Variants in IMPDH1 observed in about 807,000 individuals in gnomAD.
IMPDH1 encodes inosine monophosphate dehydrogenase 1.
In IMPDH1, 41 loss-of-function variants were observed where a neutral mutation model predicts 73.5. The observed-to-expected ratio is 0.56, with a 90% CI of 0.43 to 0.72. The LOEUF (loss-of-function observed/expected upper bound fraction) is 0.72, where lower values mean the gene tolerates loss of function less well. Ranked by LOEUF, IMPDH1 falls within the 30% of genes least tolerant of loss-of-function variation. The probability of loss-of-function intolerance (pLI) is 0.00; values close to 1 mark genes in which losing one functional copy is unlikely to be tolerated. For missense variants in IMPDH1, 645 were observed against 824.8 expected, an observed-to-expected ratio of 0.78 and a Z score of 2.67; for synonymous variants, 318 against 334.3, an observed-to-expected ratio of 0.95 and a Z score of 0.53.
Position 128,396,464 on chromosome 7 carries a change from T to G in IMPDH1, c.1261+136A>C. On this transcript the variant is annotated intron_variant, in intron 12 of 16. Transcript: ENST00000338791. This position sits in a 1 kb window ranked among gnomAD's most constrained non-coding sequence, Gnocchi z 4.0. ...CCCTAAGTCAGTGGGCCCGATGGGG[T>G]GGGGCCCATGCCTGGGTCACCCCGG... is the stretch of plus-strand genomic sequence containing the variant. The G allele has an allele frequency of 1.3e-6, 1 of 751,262 alleles. No homozygotes were observed. The highest frequency in any genetic ancestry group is 2.4e-6 in the Non-Finnish European group (1 of 424,648). 46.5% of individuals were successfully genotyped at this position (751,262 alleles called of 1,614,324 possible).
chr7:128,398,296 G>A lies in IMPDH1; in HGVS notation c.1074+118C>T, dbSNP rs1798068983. 1.3e-6 allele frequency: 1 copy of A among 780,024 alleles called. No homozygotes were observed. Among genetic ancestry groups the A allele is most frequent in the Admixed American group, 2.2e-5 (1 of 44,494 alleles). 48.3% of individuals were successfully genotyped at this position (780,024 alleles called of 1,614,324 possible). A position where few individuals can be genotyped will look rare whatever the true frequency, so the allele number is the denominator to read the frequency against. On this transcript the variant is annotated intron_variant, in intron 10 of 16. Coordinates refer to ENST00000338791, the MANE Select transcript of IMPDH1 (RefSeq NM_000883.4). This position sits in a 1 kb window ranked among gnomAD's most constrained non-coding sequence, Gnocchi z 4.3. ...ACACCAGGGAGCACTCAGAAAGAGAGAGGAAGAGTAGCAAGGGAGGGGCAC... is the reference window on the plus strand; with the variant it reads ...ACACCAGGGAGCACTCAGAAAGAGAAAGGAAGAGTAGCAAGGGAGGGGCAC...
chr7:128,408,329 G>C (rs957330697), intron 3 of IMPDH1, among the ~76,000 whole-genome samples: 1 of 152,180 alleles, frequency 6.6e-6, no homozygotes, highest in African/African-American at 2.4e-5. Context: ...ATGGGGGAAG[G>C]GCAGAAAAGG....
Position 128,394,697 on chromosome 7 carries a change from C to T in IMPDH1, c.1551-98G>A. ...AAACGGGATACCGCCCAGGAAGGTC[C>T]CCCAGGCCACCCCTCACTGGGCTGA... On this transcript the variant is annotated intron_variant, in intron 14 of 16. Coordinates refer to ENST00000338791, the MANE Select transcript of IMPDH1 (RefSeq NM_000883.4). This position sits in a 1 kb window ranked among gnomAD's most constrained non-coding sequence, Gnocchi z 5.5. The T allele has an allele frequency of 6.8e-7, 1 of 1,478,386 alleles. No individual in the cohort carries two copies. Among genetic ancestry groups the T allele is most frequent in the Admixed American group, 1.8e-5 (1 of 57,126 alleles). The allele number at this position is 1,478,386 out of a possible 1,614,324, so 91.6% of individuals were successfully genotyped here.
Position 128,395,354 on chromosome 7 carries a change from C to T in IMPDH1, c.1262-80G>A, listed in dbSNP as rs1797843176. The stretch of plus-strand genomic sequence containing the variant: ...CTGGAGCGGGGCCAGCCCAGCTCTT[C>T]CTCCTGTGCACTACCTCTACTCAGG... On this transcript the variant is annotated intron_variant, in intron 12 of 16. Coordinates refer to ENST00000338791, the MANE Select transcript of IMPDH1 (RefSeq NM_000883.4). The T allele has an allele frequency of 5.3e-6, 8 of 1,521,530 alleles. No homozygotes were observed. The South Asian group carries it at 9.0e-5, about 17-fold the overall frequency. 94.3% of individuals were successfully genotyped at this position (1,521,530 alleles called of 1,614,324 possible). A position where few individuals can be genotyped will look rare whatever the true frequency, so the allele number is the denominator to read the frequency against.
At chr7:128,403,146 G>C (rs1232834412) in intron 5 of IMPDH1, among the ~76,000 whole-genome samples, 1 of 152,102 alleles carries the variant, frequency 6.6e-6, no homozygotes, top group Non-Finnish European at 1.5e-5. Context: ...CACTGACAGA[G>C]AGCCACCCAG....
intron 4 of IMPDH1, 116 bp downstream of exon 4, chr7:128,405,651 A>C (rs1293355995): frequency 2.9e-6 from 4 of 1,374,918 alleles, no homozygotes; most frequent in Admixed American, 6.0e-5. Flanking sequence ...CCCAGCGCCC[A>C]CAGCAGGCAC....
chr7:128,403,941 T>C (rs1798522999), intron 4 of IMPDH1, among the ~76,000 whole-genome samples, 187 bp from the exon 5 acceptor site: 1 of 152,182 alleles, frequency 6.6e-6, no homozygotes, highest in African/African-American at 2.4e-5. Context: ...TCTGGCAAAC[T>C]CCAGCCCCCA....
At position 128,396,589 on chromosome 7, in the gene IMPDH1, C is replaced by G; in HGVS notation, c.1261+11G>C. 1.9e-6 allele frequency: 3 copies of G among 1,547,490 alleles called. No homozygotes were observed. Among genetic ancestry groups the G allele is most frequent in the African/African-American group, 2.7e-5 (2 of 73,178 alleles). On this transcript the variant is annotated intron_variant, in intron 12 of 16. Transcript: ENST00000338791. The surrounding 1 kb of genome is among the most constrained non-coding windows in gnomAD (Gnocchi z 4.0). ...GGGCCAGCGGGCACTCGCTCACCTC[C>G]TGACACCCACCTTCCTGGGTGATGC...
At chr7:128,400,052 G>C in intron 9 of IMPDH1, 43 bp downstream of exon 9, 1 of 1,410,982 alleles carries the variant, frequency 7.1e-7, no homozygotes, top group South Asian at 1.1e-5. Context: ...CTGTGGACAG[G>C]GAGTCAGGCT....
At chr7:128,407,250 G>A (rs1798835276) in intron 3 of IMPDH1, among the ~76,000 whole-genome samples, 2 of 152,210 alleles carry the variant, frequency 1.3e-5, no homozygotes, top group African/African-American at 4.8e-5. Flanking sequence ...GCAGTGTGAT[G>A]GCAGCTAGGC....
At chr7:128,393,568 G>T (rs1797683677) in intron 16 of IMPDH1, among the ~76,000 whole-genome samples, 2 of 152,090 alleles carry the variant, frequency 1.3e-5, no homozygotes, top group African/African-American at 4.8e-5. Context: ...GGAGTTAGGG[G>T]GCCGGGGGGG....
chr7:128,392,701 T>G lies in IMPDH1; in HGVS notation c.*306A>C. ...CAGGAGGGGCCGCCTGCCCCTGGGGTGGGGGCCAGGCTGGAGCAGGCTGCA... is the reference window on the plus strand; with the variant it reads ...CAGGAGGGGCCGCCTGCCCCTGGGGGGGGGGCCAGGCTGGAGCAGGCTGCA... On this transcript the variant is annotated 3_prime_UTR_variant, in exon 17 of 17. Coordinates refer to ENST00000338791, the MANE Select transcript of IMPDH1 (RefSeq NM_000883.4). 2.5e-6 allele frequency: 1 copy of G among 397,230 alleles called. No homozygotes were observed. The highest frequency in any genetic ancestry group is 4.6e-6 in the Non-Finnish European group (1 of 215,444). 24.6% of individuals were successfully genotyped at this position (397,230 alleles called of 1,614,324 possible). A position where few individuals can be genotyped will look rare whatever the true frequency, so the allele number is the denominator to read the frequency against.
intron 10 of IMPDH1, among the ~76,000 whole-genome samples, chr7:128,397,364 A>G (rs1797998934): frequency 6.6e-6 from 1 of 152,166 alleles, no homozygotes; most frequent in Non-Finnish European, 1.5e-5. Context: ...AAATGACTTA[A>G]CTTCTTTAAG....
chr7:128,399,692 A>C (rs1267211915), intron 9 of IMPDH1, among the ~76,000 whole-genome samples: 3 of 152,198 alleles, frequency 2.0e-5, no homozygotes, highest in Non-Finnish European at 4.4e-5. Flanking sequence ...GTCTCAAAAA[A>C]AAAAAAGCTA....
intron 3 of IMPDH1, among the ~76,000 whole-genome samples, chr7:128,406,304 C>CA (rs1654031031): frequency 6.1e-3 from 3 of 490 alleles, no homozygotes; most frequent in African/African-American, 7.2e-3. Context: ...CACCCCCACA[C>CA]CCCCCACCCC....
intron 3 of IMPDH1, 125 bp from the exon 4 acceptor site, chr7:128,405,990 G>T (rs916266818): frequency 9.9e-6 from 6 of 608,666 alleles, no homozygotes; most frequent in Non-Finnish European, 1.2e-5. Context: ...CGGGCGGGCC[G>T]GGGGCGGGGG....
chr7:128,395,079 C>A, intron 13 of IMPDH1, 46 bp from the exon 14 acceptor site: 2 of 1,613,926 alleles, frequency 1.2e-6, no homozygotes, highest in East Asian at 2.2e-5. Flanking sequence ...TAGTGCCACC[C>A]CCCCAGCTTC....
chr7:128,402,976 T>C (rs1798443527), intron 5 of IMPDH1, among the ~76,000 whole-genome samples: 1 of 152,202 alleles, frequency 6.6e-6, no homozygotes. Flanking sequence ...GTTTCAAATC[T>C]CCATAATTTC....
intron 1 of IMPDH1, 98 bp from the exon 2 acceptor site, chr7:128,409,582 C>T (rs915429530): frequency 2.9e-5 from 44 of 1,540,442 alleles, no homozygotes; most frequent in Non-Finnish European, 3.9e-5. Context: ...GTCTGCATCC[C>T]CCAACCAAAG....
Sources: allele counts gnomAD v4.1 joint callset (sites outside exome capture counted in the v4.1 genomes callset), GRCh38; gene constraint gnomAD v4.1.1; non-coding constraint Gnocchi (gnomAD v3.1); transcripts MANE v1.5; gene names NCBI Gene and HGNC (gene_info 2026-07-23, HGNC 2026-07-21).